Variants in KIF2A observed in about 807,000 individuals in gnomAD.
The protein encoded by KIF2A is kinesin family member 2A, also known as kinesin-like protein KIF2A.
In KIF2A, 22 loss-of-function variants were observed where a neutral mutation model predicts 100.2. The ratio of observed to expected loss-of-function variants is 0.22; its 90% CI spans 0.16 to 0.31. The LOEUF (loss-of-function observed/expected upper bound fraction) is 0.31. Ranked by LOEUF, KIF2A falls within the 10% of genes least tolerant of loss-of-function variation. The pLI is 1.00. For synonymous variants in KIF2A, 268 were observed against 285.9 expected, an observed-to-expected ratio of 0.94 and a Z score of 0.63; for missense variants, 495 against 898.7, an observed-to-expected ratio of 0.55 and a Z score of 5.74.
intron 1 of KIF2A, chr5:62,308,445 C>T (rs1745412517): frequency 1.0e-6 from 1 of 978,622 alleles, no homozygotes; most frequent in Non-Finnish European, 1.6e-6. Context: ...TATCTGCACT[C>T]TCGCGTTCAT....
intron 1 of KIF2A, among the ~76,000 whole-genome samples, chr5:62,321,610 TG>T (rs1157329214): frequency 6.6e-6 from 1 of 152,208 alleles, no homozygotes; most frequent in Admixed American, 6.5e-5. Flanking sequence ...TCTCCCAGAC[TG>T]GAGTGCAATG....
rs59410551 is a variant in KIF2A, at chr5:62,337,813, T to TA, written c.65-9302dup. On this transcript the variant is annotated intron_variant, in intron 1 of 20. Transcript: ENST00000407818. The stretch of plus-strand genomic sequence containing the variant: ...GCACAGAGAGAGACCCCCGAACTCT[T>TA]AAAAAAAAAAAAAAAGTAGCTTTGA... Among the ~76,000 whole-genome samples, 901 of 136,346 alleles carry TA rather than the reference T, an allele frequency of 6.6e-3. 9 individuals are homozygous for TA. Among genetic ancestry groups the TA allele is most frequent in the East Asian group, 0.064 (307 of 4,802 alleles). 89.4% of individuals were successfully genotyped at this position (136,346 alleles called of 152,430 possible). A position where few individuals can be genotyped will look rare whatever the true frequency, so the allele number is the denominator to read the frequency against.
At chr5:62,330,558 C>T (rs796522580) in intron 1 of KIF2A, among the ~76,000 whole-genome samples, 3 of 152,244 alleles carry the variant, frequency 2.0e-5, no homozygotes, top group African/African-American at 7.2e-5. Context: ...CTGGAAACAA[C>T]ATTGTTCTGC....
chr5:62,366,801 A>C (rs1490443578), intron 16 of KIF2A, among the ~76,000 whole-genome samples: 2 of 151,828 alleles, frequency 1.3e-5, no homozygotes, highest in Non-Finnish European at 2.9e-5. Context: ...ACTGCACTCC[A>C]GCCTGGGCAA....
At chr5:62,340,319 CTAT>C (rs1490766597) in intron 1 of KIF2A, among the ~76,000 whole-genome samples, 1 of 151,920 alleles carries the variant, frequency 6.6e-6, no homozygotes, top group African/African-American at 2.4e-5. Flanking sequence ...GGCATTTGCT[CTAT>C]TATTATTTTT....
chr5:62,352,006 G>A (rs998346274), intron 4 of KIF2A, among the ~76,000 whole-genome samples: 3 of 151,990 alleles, frequency 2.0e-5, no homozygotes, highest in Non-Finnish European at 4.4e-5. Context: ...TTACAAAAAT[G>A]AGCCAGGTGT....
chr5:62,374,953 CA>C (rs1741477515), intron 18 of KIF2A, among the ~76,000 whole-genome samples: 3 of 152,180 alleles, frequency 2.0e-5, no homozygotes, highest in East Asian at 3.9e-4. Context: ...AGCTTAGAAA[CA>C]AAAGAACTGT....
intron 20 of KIF2A, among the ~76,000 whole-genome samples, chr5:62,383,580 A>G (rs1741886520): frequency 6.6e-6 from 1 of 152,120 alleles, no homozygotes; most frequent in Non-Finnish European, 1.5e-5. Context: ...TTCAACACAT[A>G]TATGTTGCTG....
At position 62,389,154 on chromosome 5, in the gene KIF2A, G is replaced by C. The variant is rs1332887624; in HGVS notation, c.*3585G>C. 1 of 1,006,158 alleles carries C rather than the reference G, an allele frequency of 9.9e-7. No individual in the cohort carries two copies. Among genetic ancestry groups the C allele is most frequent in the Non-Finnish European group, 1.5e-6 (1 of 675,802 alleles). The allele number at this position is 1,006,158 out of a possible 1,614,324, so 62.3% of individuals were successfully genotyped here. ...TAATACTAAAACATGAATACAGCAT[G>C]CTTACAGAGCCCACCCACTCCTAAT... is the stretch of plus-strand genomic sequence containing the variant. On this transcript the variant is annotated 3_prime_UTR_variant, in exon 21 of 21. Transcript: ENST00000407818.
intron 1 of KIF2A, among the ~76,000 whole-genome samples, chr5:62,324,112 C>G (rs1484850247): frequency 6.6e-6 from 1 of 152,078 alleles, no homozygotes; most frequent in African/African-American, 2.4e-5. Flanking sequence ...ATCTCATTTA[C>G]AGTAGCCACC....
At position 62,345,573 on chromosome 5, in the gene KIF2A, G is replaced by A. The variant is rs540162810; in HGVS notation, c.65-1557G>A. On this transcript the variant is annotated intron_variant, in intron 1 of 20. Coordinates refer to ENST00000407818, the MANE Select transcript of KIF2A (RefSeq NM_001098511.3). ...AGCATTTCAGCAGGCCAAGGCAGGT[G>A]GATTCCCTGAGCCCAGGAGTTTGAG... Among the ~76,000 whole-genome samples the A allele has an allele frequency of 1.4e-4, 22 of 151,992 alleles. No individual in the cohort carries two copies. The South Asian group carries it at 4.2e-3, about 29-fold the overall frequency.
intron 11 of KIF2A, among the ~76,000 whole-genome samples, chr5:62,361,819 C>T (rs867279950): frequency 6.6e-6 from 1 of 150,502 alleles, no homozygotes; most frequent in African/African-American, 2.4e-5. Flanking sequence ...GTCAGGAGTT[C>T]GAGACCAGCC....
intron 18 of KIF2A, among the ~76,000 whole-genome samples, chr5:62,374,647 A>G (rs1580095532): frequency 6.6e-6 from 1 of 152,214 alleles, no homozygotes; most frequent in East Asian, 1.9e-4. Context: ...AATATTATAA[A>G]GCTTAAAAAC....
At chr5:62,316,584 C>T (rs996478330) in intron 1 of KIF2A, among the ~76,000 whole-genome samples, 1 of 152,186 alleles carries the variant, frequency 6.6e-6, no homozygotes, top group African/African-American at 2.4e-5. Flanking sequence ...AAGGTGGATA[C>T]ATGTCATGAT....
intron 20 of KIF2A, among the ~76,000 whole-genome samples, chr5:62,381,800 C>T (rs1231938010): frequency 6.6e-6 from 1 of 152,198 alleles, no homozygotes; most frequent in Non-Finnish European, 1.5e-5. Flanking sequence ...TGGGCTCAAG[C>T]AGTCCTCCTG....
intron 1 of KIF2A, among the ~76,000 whole-genome samples, chr5:62,341,620 C>G (rs771587180): frequency 1.3e-5 from 2 of 152,066 alleles, no homozygotes; most frequent in African/African-American, 2.4e-5. Flanking sequence ...TTGCTTTATC[C>G]TCTCATTGCC....
At chr5:62,363,624 T>G in intron 13 of KIF2A, 71 bp from the exon 14 acceptor site, 1 of 1,340,074 alleles carries the variant, frequency 7.5e-7, no homozygotes. Context: ...TTGTTTTTAA[T>G]GAAAATAATG....
chr5:62,354,858 T>C (rs1402242955), intron 6 of KIF2A, among the ~76,000 whole-genome samples: 1 of 152,158 alleles, frequency 6.6e-6, no homozygotes, highest in Non-Finnish European at 1.5e-5. Flanking sequence ...TTAAGGTATA[T>C]GTATAACAGA....
At position 62,357,708 on chromosome 5, in the gene KIF2A, ATGTG is replaced by A; in HGVS notation, c.680_683del (p.Cys227Ter). ...ATTTCTAGATTGATGAACATAGGAT[ATGTG>A]TGTGTGTAAGAAAACGACCACTCAA... On this transcript the variant is annotated frameshift_variant, in exon 8 of 21. Coordinates refer to ENST00000407818, the MANE Select transcript of KIF2A (RefSeq NM_001098511.3). LOFTEE classifies it high-confidence loss of function. 1 of 1,552,624 alleles carries A rather than the reference ATGTG, an allele frequency of 6.4e-7. No individual in the cohort carries two copies. Among genetic ancestry groups the A allele is most frequent in the Non-Finnish European group, 8.9e-7 (1 of 1,127,564 alleles).
Sources: gnomAD v4.1 joint callset for allele counts (sites outside exome capture counted in the v4.1 genomes callset) on GRCh38, gnomAD v4.1.1 for gene constraint, MANE v1.5 for transcripts, NCBI Gene and HGNC (gene_info 2026-07-23, HGNC 2026-07-21) for gene names.